Variants in SOX5 observed in about 807,000 individuals in gnomAD.
The protein encoded by SOX5 is SRY-box transcription factor 5, also known as transcription factor SOX-5.
Under a neutral mutation model 92.0 loss-of-function variants are expected in SOX5, and 9 were observed. The observed-to-expected ratio is 0.10, with a 90% CI of 0.06 to 0.17. The LOEUF (loss-of-function observed/expected upper bound fraction) is 0.17, where lower values mean the gene tolerates loss of function less well. SOX5 is among the 10% of genes least tolerant of loss of function. SOX5 has a pLI of 1.00. For synonymous variants in SOX5, 344 were observed against 336.3 expected (o/e 1.02, Z -0.25); for missense variants, 642 against 944.5 (o/e 0.68, Z 4.20).
intron 4 of SOX5, among the ~76,000 whole-genome samples, chr12:24,141,976 T>C (rs1034828001): frequency 6.6e-6 from 1 of 151,996 alleles, no homozygotes; most frequent in Non-Finnish European, 1.5e-5. Context: ...CAAAGTCTGC[T>C]TGAGGTTTCT....
At chr12:23,658,095 T>A (rs990259472) in intron 7 of SOX5, among the ~76,000 whole-genome samples, 1 of 152,174 alleles carries the variant, frequency 6.6e-6, no homozygotes, top group Non-Finnish European at 1.5e-5. Context: ...TCAGTTATCA[T>A]CTCACAGTTA....
intron 2 of SOX5, among the ~76,000 whole-genome samples, chr12:24,279,616 TA>T (rs898380039): frequency 2.0e-5 from 3 of 151,244 alleles, no homozygotes; most frequent in Admixed American, 6.6e-5. Context: ...AAAATTTTCT[TA>T]AAAAAAAACT....
intron 3 of SOX5, among the ~76,000 whole-genome samples, chr12:23,774,573 T>C (rs1232700851): frequency 2.0e-5 from 3 of 152,330 alleles, no homozygotes; most frequent in African/African-American, 7.2e-5. Flanking sequence ...TAATAATTGA[T>C]TCAATTATAA....
chr12:23,814,006 A>G (rs999978639), intron 3 of SOX5, among the ~76,000 whole-genome samples: 1 of 152,194 alleles, frequency 6.6e-6, no homozygotes, highest in Non-Finnish European at 1.5e-5. Context: ...GACGAAAGAA[A>G]AATCTAAATG....
chr12:24,144,867 A>G (rs1427803147), intron 4 of SOX5, among the ~76,000 whole-genome samples: 2 of 152,020 alleles, frequency 1.3e-5, no homozygotes, highest in Non-Finnish European at 2.9e-5. Context: ...TACAAGGGGA[A>G]AAATGGAAAT....
rs116552237 is a variant in SOX5 at position 23,831,079 on chromosome 12, G to A, written c.481+14904C>T. 3.0e-3 allele frequency among the ~76,000 whole-genome samples: 460 copies of A among 151,864 alleles called. 1 individual carries two copies. Among genetic ancestry groups the A allele is most frequent in the African/African-American group, 0.011 (438 of 41,404 alleles). ...ACCCATAAAATAAGTCTTAAAACAGGGAAATAAATTTTATATCTATTTAGA... is the reference window on the plus strand; with the variant it reads ...ACCCATAAAATAAGTCTTAAAACAGAGAAATAAATTTTATATCTATTTAGA... On this transcript the variant is annotated intron_variant, in intron 3 of 14. Transcript: ENST00000451604.
chr12:23,942,042 A>T (rs1943750560), intron 1 of SOX5, among the ~76,000 whole-genome samples: 1 of 151,872 alleles, frequency 6.6e-6, no homozygotes, highest in Non-Finnish European at 1.5e-5. Flanking sequence ...GCAAATAACC[A>T]AAGGAAGAAT....
chr12:24,041,132 G>T (rs549567196), intron 4 of SOX5, among the ~76,000 whole-genome samples: 2 of 152,114 alleles, frequency 1.3e-5, no homozygotes, highest in African/African-American at 4.8e-5. Flanking sequence ...GCTGCAAATG[G>T]ATAAGAGATA....
chr12:23,953,827 C>T (rs1945952959), upstream of SOX5, among the ~76,000 whole-genome samples: 3 of 151,934 alleles, frequency 2.0e-5, no homozygotes, highest in South Asian at 6.2e-4. Context: ...AAAAGTTTTA[C>T]ATTGAATGAG....
intron 2 of SOX5, among the ~76,000 whole-genome samples, chr12:23,871,378 A>C (rs2096870606): frequency 6.6e-6 from 1 of 152,208 alleles, no homozygotes; most frequent in South Asian, 2.1e-4. Flanking sequence ...GTTCAATATC[A>C]ATTCAAGCTA....
chr12:24,238,321 G>A (rs1964905679), intron 3 of SOX5, among the ~76,000 whole-genome samples: 1 of 152,126 alleles, frequency 6.6e-6, no homozygotes, highest in Non-Finnish European at 1.5e-5. Flanking sequence ...CTCATCTATA[G>A]GGAGCCATGC....
At chr12:24,193,149 G>C (rs537136568) in intron 4 of SOX5, among the ~76,000 whole-genome samples, 1 of 152,232 alleles carries the variant, frequency 6.6e-6, no homozygotes, top group South Asian at 2.1e-4. Flanking sequence ...TCCCAGCAAT[G>C]ACAACGATAA....
intron 3 of SOX5, among the ~76,000 whole-genome samples, chr12:23,770,500 C>T (rs947899924): frequency 7.3e-5 from 11 of 151,400 alleles, no homozygotes; most frequent in South Asian, 4.2e-4. Context: ...GGGGAGAGAG[C>T]GACAAAAAAA....
At position 24,409,283 on chromosome 12, in the gene SOX5, G is replaced by T. The variant is rs145086548; in HGVS notation, c.-250-40644C>A. ...CACTCATAAGTGGGAGTTGAACATT[G>T]AGAACACATGGACACAGAGAGGGGA... On this transcript the variant is annotated intron_variant, in intron 1 of 4. Transcript: ENST00000446891. 5.8e-3 allele frequency among the ~76,000 whole-genome samples: 889 copies of T among 152,180 alleles called. 9 individuals carry two copies. The highest frequency in any genetic ancestry group is 0.021 in the African/African-American group (869 of 41,504).
intron 8 of SOX5, among the ~76,000 whole-genome samples, chr12:23,606,854 A>T (rs942739546): frequency 6.6e-6 from 1 of 152,154 alleles, no homozygotes; most frequent in African/African-American, 2.4e-5. Context: ...AATGCTTTTG[A>T]GTTGAAAGGG....
At chr12:24,155,418 G>T (rs1242468462) in intron 4 of SOX5, among the ~76,000 whole-genome samples, 3 of 151,154 alleles carry the variant, frequency 2.0e-5, no homozygotes, top group African/African-American at 4.9e-5. Context: ...TTATTTTTTT[G>T]ACATTGTTTC....
intron 4 of SOX5, among the ~76,000 whole-genome samples, chr12:24,200,197 C>G (rs931284917): frequency 3.9e-5 from 6 of 152,176 alleles, no homozygotes; most frequent in Admixed American, 1.3e-4. Flanking sequence ...AATCTGGGTA[C>G]TTTTTCTGGC....
At chr12:24,158,002 T>A in intron 4 of SOX5, among the ~76,000 whole-genome samples, 1 of 152,072 alleles carries the variant, frequency 6.6e-6, no homozygotes, top group Admixed American at 6.6e-5. Context: ...TTTACTTTTG[T>A]TCCTTTAAAA....
chr12:23,793,583 CT>C (rs745899787), intron 3 of SOX5, among the ~76,000 whole-genome samples: 4 of 152,150 alleles, frequency 2.6e-5, no homozygotes, highest in Non-Finnish European at 4.4e-5. Flanking sequence ...GCAGAATTTG[CT>C]GAATTGCTTG....
Sources: gnomAD v4.1 joint callset for allele counts (sites outside exome capture counted in the v4.1 genomes callset) on GRCh38, gnomAD v4.1.1 for gene constraint, MANE v1.5 for transcripts, NCBI Gene and HGNC (gene_info 2026-07-23, HGNC 2026-07-21) for gene names.